TAF1B: variants seen among roughly 807,000 people sequenced by gnomAD.
TAF1B encodes TATA-box binding protein associated factor, RNA polymerase I subunit B.
In TAF1B, 61 loss-of-function variants were observed where a neutral mutation model predicts 83.9. That is an observed-to-expected ratio of 0.73 (90% CI 0.59 to 0.90). The LOEUF (loss-of-function observed/expected upper bound fraction) is 0.90. TAF1B is among the 40% of genes least tolerant of loss of function. TAF1B has a pLI of 0.00. For synonymous variants in TAF1B, 221 were observed against 224.6 expected (o/e 0.98, Z 0.14); for missense variants, 625 against 677.0 (o/e 0.92, Z 0.85).
intron 7 of TAF1B, among the ~76,000 whole-genome samples, chr2:9,876,686 C>G (rs1193784236): frequency 6.6e-6 from 1 of 152,166 alleles, no homozygotes; most frequent in African/African-American, 2.4e-5. Context: ...TTTAACAGCA[C>G]AAATTAGGAA....
chr2:9,911,160 T>A (rs1253824197), intron 10 of TAF1B, among the ~76,000 whole-genome samples: 1 of 152,214 alleles, frequency 6.6e-6, no homozygotes, highest in Non-Finnish European at 1.5e-5. Context: ...TTTGATCATG[T>A]TTTATACCTG....
chr2:9,851,648 T>C lies in TAF1B; in HGVS notation c.303+10T>C. The C allele has an allele frequency of 6.3e-7, 1 of 1,591,924 alleles. No individual in the cohort carries two copies. The highest frequency in any genetic ancestry group is 8.6e-7 in the Non-Finnish European group (1 of 1,168,988). ...AGGCCCAGAGTTAAAGGTAAGTACATTTGTGACTAGATGTTAGCTTTACAT... is the reference window on the plus strand; with the variant it reads ...AGGCCCAGAGTTAAAGGTAAGTACACTTGTGACTAGATGTTAGCTTTACAT... On this transcript the variant is annotated intron_variant, in intron 4 of 14. Coordinates refer to ENST00000263663, the MANE Select transcript of TAF1B (RefSeq NM_005680.3).
chr2:9,851,910 A>G, intron 4 of TAF1B: 3 of 580,440 alleles, frequency 5.2e-6, no homozygotes, highest in East Asian at 4.1e-5. Context: ...TAAAACTCAA[A>G]TAACTTTGGG....
chr2:9,927,774 G>T (rs1257378235), intron 14 of TAF1B, among the ~76,000 whole-genome samples: 1 of 152,108 alleles, frequency 6.6e-6, no homozygotes, highest in Non-Finnish European at 1.5e-5. Context: ...TTAGCCCTTT[G>T]TCAGATGGGT....
chr2:9,861,659 C>A (rs1663765013), intron 5 of TAF1B, among the ~76,000 whole-genome samples: 1 of 152,240 alleles, frequency 6.6e-6, no homozygotes, highest in Non-Finnish European at 1.5e-5. Context: ...TCAAGTGGGT[C>A]CCTGATCCCT....
intron 9 of TAF1B, among the ~76,000 whole-genome samples, chr2:9,909,313 T>C (rs1665448794): frequency 6.6e-6 from 1 of 152,230 alleles, no homozygotes; most frequent in Non-Finnish European, 1.5e-5. Flanking sequence ...ACATCTGCTT[T>C]AGCACTCAGA....
At chr2:9,924,911 T>G (rs2125183016) in intron 14 of TAF1B, among the ~76,000 whole-genome samples, 1 of 152,264 alleles carries the variant, frequency 6.6e-6, no homozygotes, top group South Asian at 2.1e-4. Context: ...GTTAACAATT[T>G]CAATGAATTG....
intron 9 of TAF1B, 63 bp downstream of exon 9, chr2:9,905,069 A>G: frequency 6.9e-7 from 1 of 1,452,958 alleles, no homozygotes; most frequent in African/African-American, 1.4e-5. Flanking sequence ...AGCAGAGTAT[A>G]GAATCTTTTC....
intron 14 of TAF1B, among the ~76,000 whole-genome samples, chr2:9,926,460 T>A (rs1239154388): frequency 6.6e-6 from 1 of 152,182 alleles, no homozygotes; most frequent in African/African-American, 2.4e-5. Context: ...TAGTCCAGAT[T>A]TTGTGTATAG....
chr2:9,849,269 G>A (rs909617797), intron 2 of TAF1B, 104 bp from the exon 3 acceptor site: 2 of 746,040 alleles, frequency 2.7e-6, no homozygotes, highest in Admixed American at 6.5e-5. Context: ...CCTTGGTCCT[G>A]GCACTCACAA....
chr2:9,860,198 G>A (rs1474792766), intron 5 of TAF1B, among the ~76,000 whole-genome samples: 1 of 152,162 alleles, frequency 6.6e-6, no homozygotes, highest in African/African-American at 2.4e-5. Flanking sequence ...AATTCAAGAT[G>A]AGATTTGGGT....
In TAF1B at chr2:9,904,885, C is replaced by A. The variant is rs400917; in HGVS notation, c.834C>A (p.Tyr278Ter). The A allele has an allele frequency of 8.7e-5, 140 of 1,610,934 alleles. No homozygotes were observed. The highest frequency in any genetic ancestry group is 2.8e-4 in the Admixed American group (17 of 60,004). ...CTTGGCCTGACTACGAGGACATCTACAAAAAAACAGTAGAAGTTGGAACAT... is the reference window on the plus strand; with the variant it reads ...CTTGGCCTGACTACGAGGACATCTAAAAAAAAACAGTAGAAGTTGGAACAT... ...IESWPDYEDI[Y>*]KKTVEVGTFL... The change falls in exon 9 of 15, where the codon TAC becomes TAA. Residue 278 changes from tyrosine (Y) to a stop codon, truncating the protein, a stop_gained. Transcript: ENST00000263663. LOFTEE classifies it high-confidence loss of function.
intron 5 of TAF1B, 31 bp downstream of exon 5, chr2:9,854,452 A>C (rs764439775): frequency 7.9e-6 from 12 of 1,526,180 alleles, no homozygotes; most frequent in Non-Finnish European, 1.1e-5. Context: ...GTTGGATTAA[A>C]AAACATGTCT....
At chr2:9,927,488 T>C (rs1308647024) in intron 14 of TAF1B, among the ~76,000 whole-genome samples, 1 of 152,290 alleles carries the variant, frequency 6.6e-6, no homozygotes, top group Middle Eastern at 3.4e-3. Context: ...GTCCTACCAA[T>C]AGTGTGAAAG....
At chr2:9,878,101 T>C (rs558469635) in intron 7 of TAF1B, among the ~76,000 whole-genome samples, 1 of 152,312 alleles carries the variant, frequency 6.6e-6, no homozygotes, top group African/African-American at 2.4e-5. Flanking sequence ...TCAGTATCAC[T>C]TGGGAACTGG....
chr2:9,845,168 T>C, intron 1 of TAF1B, 52 bp from the exon 2 acceptor site: 1 of 1,354,392 alleles, frequency 7.4e-7, no homozygotes, highest in Non-Finnish European at 1.1e-6. Flanking sequence ...TTAGGTACGA[T>C]GTATTGAATG....
intron 7 of TAF1B, among the ~76,000 whole-genome samples, chr2:9,878,516 A>G (rs997948289): frequency 6.6e-6 from 1 of 152,198 alleles, no homozygotes; most frequent in African/African-American, 2.4e-5. Flanking sequence ...AACACTGTGC[A>G]TGTCACTCCC....
intron 14 of TAF1B, among the ~76,000 whole-genome samples, chr2:9,927,220 A>G (rs972553298): frequency 2.0e-5 from 3 of 152,130 alleles, no homozygotes; most frequent in Non-Finnish European, 2.9e-5. Flanking sequence ...TTATAGCTGC[A>G]TAGTATTCCA....
chr2:9,885,579 C>T (rs906862222), intron 8 of TAF1B, among the ~76,000 whole-genome samples: 2 of 152,164 alleles, frequency 1.3e-5, no homozygotes, highest in African/African-American at 2.4e-5. Flanking sequence ...CAAGCTTGGA[C>T]GTTTGGTTCC....
Sources: allele counts gnomAD v4.1 joint callset (sites outside exome capture counted in the v4.1 genomes callset), GRCh38; gene constraint gnomAD v4.1.1; transcripts MANE v1.5; gene names NCBI Gene and HGNC (gene_info 2026-07-23, HGNC 2026-07-21).